The following AFF2 variants were observed in gnomAD, a reference collection of about 807,000 sequenced individuals.
AFF2 encodes the protein AF4/FMR2 family member 2.
AFF2 carries 14 observed loss-of-function variants against 76.9 expected under a neutral mutation model. The observed-to-expected ratio is 0.18, with a 90% CI of 0.12 to 0.28. AFF2 has a LOEUF of 0.28. AFF2 is among the 10% of genes least tolerant of loss of function. The pLI, the probability that AFF2 is intolerant of heterozygous loss-of-function variation, is 1.00. For missense variants in AFF2, 868 were observed against 1,001.1 expected (o/e 0.87, Z 1.79); for synonymous variants, 398 against 366.7 (o/e 1.09, Z -0.98).
chrX:148,590,209 G>A (rs1164887236), intron 1 of AFF2, among the ~76,000 whole-genome samples: 2 of 108,643 alleles, frequency 1.8e-5, no homozygotes, highest in African/African-American at 6.7e-5. Context: ...GGCTCTCTGA[G>A]GAGCTGACAG....
intron 1 of AFF2, 112 bp downstream of exon 1, chrX:148,501,256 C>T: frequency 1.0e-6 from 1 of 983,625 alleles, no homozygotes; most frequent in Non-Finnish European, 1.4e-6. Flanking sequence ...CCCCGGACTC[C>T]CTCCCACTTG....
In AFF2 at chrX:148,723,394, G is replaced by C. The variant is rs189425005; in HGVS notation, c.1041+60626G>C. 2.3e-3 allele frequency among the ~76,000 whole-genome samples: 262 copies of C among 111,760 alleles called. 1 individual carries two copies. Among genetic ancestry groups the C allele is most frequent in the African/African-American group, 7.9e-3 (244 of 30,742 alleles). On this transcript the variant is annotated intron_variant, in intron 3 of 20. Coordinates refer to ENST00000370460, the MANE Select transcript of AFF2 (RefSeq NM_002025.4). Reference sequence around the variant, plus strand: ...AACTTTCTAATTATACAGCTCACGGGCCTGGCATTTGGCAGGGATCATGTG... The same window carrying C: ...AACTTTCTAATTATACAGCTCACGGCCCTGGCATTTGGCAGGGATCATGTG...
Position 148,597,116 on chromosome X carries a change from C to A in AFF2, c.48-54883C>A, listed in dbSNP as rs1443344267. On this transcript the variant is annotated intron_variant, in intron 1 of 20. Coordinates refer to ENST00000370460, the MANE Select transcript of AFF2 (RefSeq NM_002025.4). ...GTTAGTTAATTTGAAATTAATAATG[C>A]CTTAGTGGAGTTTACCAAAAACCTC... is the stretch of plus-strand genomic sequence containing the variant. 2.1e-4 allele frequency among the ~76,000 whole-genome samples: 23 copies of A among 111,736 alleles called. No homozygotes were observed. The Admixed American group carries it at 2.1e-3, about 10-fold the overall frequency.
At chrX:148,939,290 A>T (rs1180535061) in intron 9 of AFF2, among the ~76,000 whole-genome samples, 1 of 111,969 alleles carries the variant, frequency 8.9e-6, no homozygotes, top group African/African-American at 3.2e-5. Context: ...GAAGCCTATC[A>T]GTTTTCATGA....
intron 4 of AFF2, among the ~76,000 whole-genome samples, chrX:148,812,986 C>T (rs2070222611): frequency 8.9e-6 from 1 of 112,264 alleles, no homozygotes; most frequent in Non-Finnish European, 1.9e-5. Context: ...CAATTTTCTT[C>T]TTGCCCTCAT....
intron 3 of AFF2, among the ~76,000 whole-genome samples, chrX:148,758,817 T>A (rs2069406049): frequency 8.9e-6 from 1 of 112,246 alleles, no homozygotes; most frequent in African/African-American, 3.2e-5. Flanking sequence ...GATAAAATCC[T>A]AGAAGTGGAA....
At chrX:148,985,188 T>A (rs1241216724) in intron 19 of AFF2, among the ~76,000 whole-genome samples, 1 of 107,641 alleles carries the variant, frequency 9.3e-6, no homozygotes, top group African/African-American at 3.4e-5. Context: ...TTTCACCATG[T>A]TGGCCAGGCT....
intron 1 of AFF2, among the ~76,000 whole-genome samples, chrX:148,640,501 C>T (rs183632425): frequency 1.3e-3 from 146 of 111,544 alleles, no homozygotes; most frequent in African/African-American, 4.7e-3. Context: ...TACCCACCTT[C>T]ATGGAGATTT....
At chrX:148,529,971 A>G (rs902897577) in intron 1 of AFF2, among the ~76,000 whole-genome samples, 7 of 111,272 alleles carry the variant, frequency 6.3e-5, no homozygotes, top group Non-Finnish European at 9.4e-5. Context: ...TAACCATGTA[A>G]TCCTGCGACT....
chrX:148,749,649 A>C (rs1406100277), intron 3 of AFF2, among the ~76,000 whole-genome samples: 1 of 111,121 alleles, frequency 9.0e-6, no homozygotes, highest in Non-Finnish European at 1.9e-5. Context: ...TATGGTCAGA[A>C]GTGGCCCAGC....
chrX:148,516,976 C>A (rs1192526176), intron 1 of AFF2, among the ~76,000 whole-genome samples: 1 of 111,837 alleles, frequency 8.9e-6, no homozygotes, highest in Non-Finnish European at 1.9e-5. Context: ...GGTAGCCGAG[C>A]ACCAGCTTTG....
intron 3 of AFF2, among the ~76,000 whole-genome samples, chrX:148,780,829 A>T (rs1334811152): frequency 8.9e-6 from 1 of 111,803 alleles, no homozygotes; most frequent in Non-Finnish European, 1.9e-5. Flanking sequence ...GAGAAGAGGC[A>T]TTCTGGTTTT....
intron 1 of AFF2, among the ~76,000 whole-genome samples, chrX:148,527,428 CCTTT>C (rs782467595): frequency 2.7e-5 from 3 of 111,365 alleles, no homozygotes; most frequent in Admixed American, 9.5e-5. Context: ...GATCTTGGAC[CCTTT>C]CTTTCTTTCT....
chrX:148,930,432 G>A (rs2071698959), intron 9 of AFF2, among the ~76,000 whole-genome samples: 1 of 111,999 alleles, frequency 8.9e-6, no homozygotes, highest in Non-Finnish European at 1.9e-5. Flanking sequence ...TTACTCAGGG[G>A]ATAGCAGAAG....
chrX:148,982,836 C>T (rs2072411357), intron 19 of AFF2, among the ~76,000 whole-genome samples: 1 of 111,870 alleles, frequency 8.9e-6, no homozygotes, highest in South Asian at 3.8e-4. Context: ...GCACCAGACA[C>T]TATATATTTT....
At chrX:148,982,293 AGTCACT>A (rs1233080915) in intron 19 of AFF2, among the ~76,000 whole-genome samples, 2 of 112,264 alleles carry the variant, frequency 1.8e-5, no homozygotes, top group African/African-American at 6.5e-5. Flanking sequence ...AACTCAAAAC[AGTCACT>A]CAGGGGTTAT....
chrX:148,518,261 A>C (rs1012363042), intron 1 of AFF2, among the ~76,000 whole-genome samples: 4 of 111,788 alleles, frequency 3.6e-5, no homozygotes, highest in Non-Finnish European at 7.5e-5. Context: ...AAAACCAAAC[A>C]GAGCCAGCTG....
intron 3 of AFF2, among the ~76,000 whole-genome samples, chrX:148,758,073 A>G (rs2069396178): frequency 8.9e-6 from 1 of 112,478 alleles, no homozygotes; most frequent in African/African-American, 3.2e-5. Context: ...TGCATTATTT[A>G]GCATGATCCT....
chrX:148,619,662 T>C (rs1468042859), intron 1 of AFF2, among the ~76,000 whole-genome samples: 1 of 112,155 alleles, frequency 8.9e-6, no homozygotes, highest in Non-Finnish European at 1.9e-5. Context: ...TGTAAACAAC[T>C]GTATGGGAAA....
Sources: allele counts gnomAD v4.1 joint callset (sites outside exome capture counted in the v4.1 genomes callset), GRCh38; gene constraint gnomAD v4.1.1; transcripts MANE v1.5; gene names NCBI Gene and HGNC (gene_info 2026-07-23, HGNC 2026-07-21).